The following EPS15 variants were observed in gnomAD, a reference collection of about 807,000 sequenced individuals.
EPS15 encodes epidermal growth factor receptor substrate 15.
A neutral mutation model predicts 113.8 loss-of-function variants in EPS15; 72 were observed. The observed-to-expected ratio is 0.63, with a 90% CI of 0.52 to 0.77. The LOEUF is 0.77. EPS15 is among the 30% of genes least tolerant of loss of function. EPS15 has a pLI of 0.00. For missense variants in EPS15, 1,048 were observed against 1,045.8 expected, an observed-to-expected ratio of 1.00 and a Z score of -0.03; for synonymous variants, 344 against 363.4, an observed-to-expected ratio of 0.95 and a Z score of 0.61.
At chr1:51,369,558 A>G (rs1265876785) in intron 21 of EPS15, among the ~76,000 whole-genome samples, 1 of 152,234 alleles carries the variant, frequency 6.6e-6, no homozygotes, top group Non-Finnish European at 1.5e-5. Context: ...ATAATTTAAA[A>G]ATCATCCCTA....
intron 24 of EPS15, among the ~76,000 whole-genome samples, chr1:51,360,370 T>TTA (rs1646355020): frequency 6.6e-6 from 1 of 152,222 alleles, no homozygotes; most frequent in Non-Finnish European, 1.5e-5. Context: ...ATAACTTTTT[T>TTA]TACTGAATAA....
intron 12 of EPS15, among the ~76,000 whole-genome samples, chr1:51,431,594 C>T (rs939708282): frequency 6.6e-6 from 1 of 151,892 alleles, no homozygotes; most frequent in African/African-American, 2.4e-5. Flanking sequence ...TACAGGTGTG[C>T]ACCACCACGC....
chr1:51,510,283 C>A (rs1439447590), intron 1 of EPS15, among the ~76,000 whole-genome samples: 1 of 152,084 alleles, frequency 6.6e-6, no homozygotes, highest in Admixed American at 6.6e-5. Flanking sequence ...ATTCTTATCC[C>A]AAAATTTGAC....
chr1:51,460,288 C>A (rs895692025), intron 8 of EPS15, among the ~76,000 whole-genome samples: 1 of 152,094 alleles, frequency 6.6e-6, no homozygotes, highest in Non-Finnish European at 1.5e-5. Context: ...TTTTATCAAA[C>A]CTTTAAGGAA....
rs1159228978 is a variant in EPS15 at position 51,462,909 on chromosome 1, G to C, written c.501+764C>G. ...TTTTTTTTTTTTCTAAGACAGTCTTGCTTGTCGCCCAGGCTGGAGTGTAGT... is the reference window on the plus strand; with the variant it reads ...TTTTTTTTTTTTCTAAGACAGTCTTCCTTGTCGCCCAGGCTGGAGTGTAGT... On this transcript the variant is annotated intron_variant, in intron 7 of 24. Transcript: ENST00000371733. Among the ~76,000 whole-genome samples, 7 of 112,786 alleles carry C rather than the reference G, an allele frequency of 6.2e-5. No individual in the cohort carries two copies. In the East Asian group the frequency reaches 1.5e-3, roughly 25 times the overall value. The allele number at this position is 112,786 out of a possible 152,430, so 74.0% of individuals were successfully genotyped here. A position where few individuals can be genotyped will look rare whatever the true frequency, so the allele number is the denominator to read the frequency against.
rs1440452892 is a variant in EPS15 at position 51,447,023 on chromosome 1, C to G, written c.734G>C (p.Gly245Ala). The G allele has an allele frequency of 2.5e-6, 4 of 1,613,504 alleles. No homozygotes were observed. Among genetic ancestry groups the G allele is most frequent in the Non-Finnish European group, 3.4e-6 (4 of 1,179,638 alleles). ...CAAGAATATTTCACGGACCTCCAAT[C>G]CAGACACAAATCCGTCCATATCTTT... The part of the protein sequence containing the change: ...TDKDMDGFVS[G>A]LEVREIFLKT... The change falls in exon 10 of 25, where the codon GGA (glycine) becomes GCA (alanine). Residue 245 changes from glycine (G) to alanine (A), a missense_variant. By Grantham distance (60) the Gly-to-Ala change is moderately conservative. Transcript: ENST00000371733.
At chr1:51,504,028 G>T (rs182175633) in intron 1 of EPS15, among the ~76,000 whole-genome samples, 2 of 152,248 alleles carry the variant, frequency 1.3e-5, no homozygotes, top group Admixed American at 1.3e-4. Flanking sequence ...AAATCTTCAT[G>T]ACCTTAGATT....
At chr1:51,479,561 T>C (rs1352803068) in intron 2 of EPS15, among the ~76,000 whole-genome samples, 1 of 150,702 alleles carries the variant, frequency 6.6e-6, no homozygotes, top group Non-Finnish European at 1.5e-5. Context: ...TTTTCAGCTT[T>C]TCTGCTCTGG....
chr1:51,465,278 G>T lies in EPS15; in HGVS notation c.358C>A (p.Leu120Ile). ...LLISGTSAAE[L>I]PWAVKPEDKA... Reference sequence around the variant, plus strand: ...TTACTTACTTTTACAGCCCATGGGAGCTCAGCTGCAGAGGTTCCACTGATT... The same window carrying T: ...TTACTTACTTTTACAGCCCATGGGATCTCAGCTGCAGAGGTTCCACTGATT... The change falls in exon 6 of 25, where the codon CTC becomes ATC. Residue 120 changes from leucine to isoleucine, a missense_variant. Coordinates refer to ENST00000371733, the MANE Select transcript of EPS15 (RefSeq NM_001981.3). 1 of 1,609,140 alleles carries T rather than the reference G, an allele frequency of 6.2e-7. No homozygotes were observed. The highest frequency in any genetic ancestry group is 8.5e-7 in the Non-Finnish European group (1 of 1,176,518).
chr1:51,492,150 T>C (rs1303109944), intron 1 of EPS15, among the ~76,000 whole-genome samples: 1 of 152,070 alleles, frequency 6.6e-6, no homozygotes, highest in Non-Finnish European at 1.5e-5. Context: ...TGCCTGGCCC[T>C]CATTTAATAA....
chr1:51,492,698 C>T (rs1279959897), intron 1 of EPS15, among the ~76,000 whole-genome samples: 1 of 151,622 alleles, frequency 6.6e-6, no homozygotes, highest in African/African-American at 2.4e-5. Context: ...TCTAGGTAGG[C>T]CAAAAAAACA....
At chr1:51,438,366 GT>G (rs1373234760) in intron 12 of EPS15, among the ~76,000 whole-genome samples, 2 of 152,054 alleles carry the variant, frequency 1.3e-5, no homozygotes, top group Non-Finnish European at 1.5e-5. Flanking sequence ...ACTGCCACTG[GT>G]ACAACTTAAC....
rs1363036793 is a variant in EPS15 at position 51,445,027 on chromosome 1, C to CT, written c.815dup (p.Asp273GlyfsTer26). 3 of 1,613,556 alleles carry CT rather than the reference C, an allele frequency of 1.9e-6. No individual in the cohort carries two copies. Among genetic ancestry groups the CT allele is most frequent in the Non-Finnish European group, 8.5e-7 (1 of 1,179,770 alleles). On this transcript the variant is annotated frameshift_variant, in exon 11 of 25. Transcript: ENST00000371733. LOFTEE classifies it high-confidence loss of function. ...GATCCTTTGAAAGCTTCCCACAGTC[C>CT]TTTGTGTCGCATAATGACCTGCACA...
At chr1:51,411,003 A>G (rs561182498) in intron 13 of EPS15, among the ~76,000 whole-genome samples, 1 of 152,328 alleles carries the variant, frequency 6.6e-6, no homozygotes, top group East Asian at 1.9e-4. Flanking sequence ...TAATGTGTCC[A>G]AAGTTAAAAA....
intron 12 of EPS15, among the ~76,000 whole-genome samples, chr1:51,435,967 A>G (rs1488225969): frequency 6.6e-6 from 1 of 152,234 alleles, no homozygotes; most frequent in Admixed American, 6.5e-5. Context: ...GATCAGAGGC[A>G]TAGAAGAATA....
At chr1:51,460,452 T>G (rs1484659447) in intron 8 of EPS15, among the ~76,000 whole-genome samples, 3 of 152,190 alleles carry the variant, frequency 2.0e-5, no homozygotes, top group Non-Finnish European at 2.9e-5. Context: ...AATGTGAAAT[T>G]TGGGAGATAC....
rs577027074 is a variant in EPS15, at chr1:51,429,808, G to A, written c.1041-7950C>T. Among the ~76,000 whole-genome samples, 135 of 152,056 alleles carry A rather than the reference G, an allele frequency of 8.9e-4. 1 individual carries two copies. Among genetic ancestry groups the A allele is most frequent in the African/African-American group, 3.0e-3 (125 of 41,482 alleles). On this transcript the variant is annotated intron_variant, in intron 12 of 24. Transcript: ENST00000371733. ...TGGGATTACAGGCATCCGCCACCAC[G>A]CCTGGCTAATTTTTGTATTTTTAGT...
chr1:51,489,286 CAT>C (rs71063034), intron 1 of EPS15, among the ~76,000 whole-genome samples: 11,287 of 141,484 alleles, frequency 0.08, 563 homozygotes, highest in Non-Finnish European at 0.12. Flanking sequence ...CCTAGTATAC[CAT>C]ATATATATAT....
chr1:51,471,807 TCTG>T, intron 3 of EPS15, 70 bp from the exon 4 acceptor site: 1 of 1,130,144 alleles, frequency 8.8e-7, no homozygotes, highest in Admixed American at 1.8e-5. Context: ...AAATTAAATC[TCTG>T]CTATTTACAA....
Sources: allele counts gnomAD v4.1 joint callset (sites outside exome capture counted in the v4.1 genomes callset), GRCh38; gene constraint gnomAD v4.1.1; transcripts MANE v1.5; gene names NCBI Gene and HGNC (gene_info 2026-07-23, HGNC 2026-07-21).